The following MAP2K6 variants were observed in gnomAD, a reference collection of about 807,000 sequenced individuals.
MAP2K6 encodes the protein dual specificity mitogen-activated protein kinase kinase 6.
Under a neutral mutation model 53.7 loss-of-function variants are expected in MAP2K6, and 16 were observed. That is an observed-to-expected ratio of 0.30 (90% CI 0.20 to 0.45). MAP2K6 has a LOEUF of 0.45. Among genes scored for constraint, MAP2K6 ranks in the 20% least tolerant of loss-of-function variants. The pLI is 1.00. For missense variants in MAP2K6, 204 were observed against 411.9 expected, an observed-to-expected ratio of 0.50 and a Z score of 4.37; for synonymous variants, 132 against 143.1, an observed-to-expected ratio of 0.92 and a Z score of 0.55.
chr17:69,526,084 A>T (rs1910753329), intron 9 of MAP2K6, among the ~76,000 whole-genome samples: 1 of 152,162 alleles, frequency 6.6e-6, no homozygotes, highest in Non-Finnish European at 1.5e-5. Flanking sequence ...TGATCCTGTA[A>T]TGCAAAGTGG....
intron 1 of MAP2K6, among the ~76,000 whole-genome samples, chr17:69,476,425 C>T (rs1390839458): frequency 6.6e-6 from 1 of 152,204 alleles, no homozygotes; most frequent in Non-Finnish European, 1.5e-5. Flanking sequence ...CCTAACTAAG[C>T]CTTTAACAGG....
At position 69,522,352 on chromosome 17, in the gene MAP2K6, G is replaced by A. The variant is rs544108668; in HGVS notation, c.536-1162G>A. 1.6e-4 allele frequency among the ~76,000 whole-genome samples: 25 copies of A among 152,156 alleles called. No homozygotes were observed. The South Asian group carries it at 5.2e-3, about 32-fold the overall frequency. Reference sequence around the variant, plus strand: ...CACAACTTTGAAATTAACATTAAGGGTTATTTCACCATTATGAAATATGTA... The same window carrying A: ...CACAACTTTGAAATTAACATTAAGGATTATTTCACCATTATGAAATATGTA... On this transcript the variant is annotated intron_variant, in intron 7 of 11. Coordinates refer to ENST00000590474, the MANE Select transcript of MAP2K6 (RefSeq NM_002758.4).
chr17:69,510,180 G>A (rs1000279710), intron 2 of MAP2K6, among the ~76,000 whole-genome samples: 3 of 152,194 alleles, frequency 2.0e-5, no homozygotes, highest in Admixed American at 1.3e-4. Context: ...ATTGAATCTT[G>A]TTGAATGCTT....
At position 69,520,308 on chromosome 17, in the gene MAP2K6, A is replaced by G. The variant is rs1419730452; in HGVS notation, c.405A>G (p.Ser135=). Residue 135 remains serine (S), a synonymous_variant, in exon 6 of 12, where the codon TCA becomes TCG. Coordinates refer to ENST00000590474, the MANE Select transcript of MAP2K6 (RefSeq NM_002758.4). ...TCTGCATGGAGCTCATGGATACATC[A>G]CTAGATAAATTCTACAAACAAGTTA... ...VWICMELMDT[S]LDKFYKQVID... 5 of 1,612,320 alleles carry G rather than the reference A, an allele frequency of 3.1e-6. No individual in the cohort carries two copies. Among genetic ancestry groups the G allele is most frequent in the Non-Finnish European group, 4.2e-6 (5 of 1,179,062 alleles).
At chr17:69,525,085 C>CTTA in intron 9 of MAP2K6, 107 bp downstream of exon 9, 1 of 819,920 alleles carries the variant, frequency 1.2e-6, no homozygotes, top group South Asian at 1.5e-5. Context: ...GTTTGGGGCG[C>CTTA]CCTCTCCTGC....
At chr17:69,481,016 A>G (rs1011546414) in intron 1 of MAP2K6, among the ~76,000 whole-genome samples, 3 of 152,228 alleles carry the variant, frequency 2.0e-5, no homozygotes, top group Non-Finnish European at 4.4e-5. Flanking sequence ...ACATAGAATT[A>G]TCGTCTTAAT....
At chr17:69,418,512 G>A (rs1340880950) in intron 1 of MAP2K6, among the ~76,000 whole-genome samples, 2 of 129,264 alleles carry the variant, frequency 1.5e-5, no homozygotes, top group East Asian at 4.5e-4. Flanking sequence ...CTACACTTTG[G>A]CATTTATTCT....
At chr17:69,427,099 G>A (rs1179400629) in intron 1 of MAP2K6, among the ~76,000 whole-genome samples, 2 of 152,170 alleles carry the variant, frequency 1.3e-5, no homozygotes, top group African/African-American at 2.4e-5. Flanking sequence ...GTCTAGCTGG[G>A]TCAGGGAATA....
chr17:69,516,186 A>G (rs2521352), intron 2 of MAP2K6, among the ~76,000 whole-genome samples: 69,839 of 151,568 alleles, frequency 0.46, 16,316 homozygotes, highest in Middle Eastern at 0.52. Flanking sequence ...ATGTAGAATC[A>G]ATGGGAGCCT....
intron 3 of MAP2K6, 109 bp from the exon 4 acceptor site, chr17:69,517,391 C>T: frequency 3.6e-6 from 2 of 551,808 alleles, no homozygotes; most frequent in South Asian, 8.4e-5. Flanking sequence ...AATCTTCTGG[C>T]CCAGAAATAA....
chr17:69,474,121 G>C (rs1908062753), intron 1 of MAP2K6, among the ~76,000 whole-genome samples: 2 of 152,328 alleles, frequency 1.3e-5, no homozygotes, highest in South Asian at 4.1e-4. Flanking sequence ...TGAAGAGCTG[G>C]CTCCGTATGG....
intron 10 of MAP2K6, 199 bp from the exon 11 acceptor site, chr17:69,535,916 T>G: frequency 2.0e-6 from 1 of 505,026 alleles, no homozygotes; most frequent in South Asian, 2.1e-5. Flanking sequence ...ACACAACTAT[T>G]TTTCCCATTA....
At chr17:69,536,073 A>G (rs772656144) in intron 10 of MAP2K6, 42 bp from the exon 11 acceptor site, 2 of 1,313,034 alleles carry the variant, frequency 1.5e-6, no homozygotes, top group South Asian at 2.4e-5. Flanking sequence ...ATGAAAATAT[A>G]TATGGCTTCT....
At chr17:69,430,777 G>T (rs1277294751) in intron 1 of MAP2K6, among the ~76,000 whole-genome samples, 1 of 152,186 alleles carries the variant, frequency 6.6e-6, no homozygotes, top group East Asian at 1.9e-4. Flanking sequence ...GGTTTTCTCT[G>T]TCAGGTTAGA....
intron 1 of MAP2K6, among the ~76,000 whole-genome samples, chr17:69,449,193 A>G (rs1357445225): frequency 6.6e-6 from 1 of 152,116 alleles, no homozygotes; most frequent in African/African-American, 2.4e-5. Flanking sequence ...CTGTTTTTTA[A>G]TCTGTAAAAT....
chr17:69,511,072 A>G (rs552907499), intron 2 of MAP2K6, among the ~76,000 whole-genome samples: 7 of 152,284 alleles, frequency 4.6e-5, no homozygotes, highest in Non-Finnish European at 7.4e-5. Flanking sequence ...AGCATAAATT[A>G]TATGTTAATT....
chr17:69,418,490 A>G (rs528794573), intron 1 of MAP2K6, among the ~76,000 whole-genome samples: 1 of 151,684 alleles, frequency 6.6e-6, no homozygotes, highest in Non-Finnish European at 1.5e-5. Flanking sequence ...AAGAATGACT[A>G]GTTACTGCAG....
At chr17:69,445,735 C>T (rs980822843) in intron 1 of MAP2K6, among the ~76,000 whole-genome samples, 1 of 151,922 alleles carries the variant, frequency 6.6e-6, no homozygotes, top group Non-Finnish European at 1.5e-5. Flanking sequence ...CTAAAGCCTG[C>T]GTCATTAAGA....
chr17:69,526,810 C>T (rs1406229863), intron 10 of MAP2K6, 101 bp downstream of exon 10: 18 of 1,392,162 alleles, frequency 1.3e-5, no homozygotes, highest in Admixed American at 4.8e-5. Flanking sequence ...ACATTCATTC[C>T]GAAAGCATTT....
Sources: allele counts gnomAD v4.1 joint callset (sites outside exome capture counted in the v4.1 genomes callset), GRCh38; gene constraint gnomAD v4.1.1; transcripts MANE v1.5; gene names NCBI Gene and HGNC (gene_info 2026-07-23, HGNC 2026-07-21).